MLC1: variants seen among roughly 807,000 people sequenced by gnomAD.
MLC1 encodes the protein membrane protein MLC1.
MLC1 carries 32 observed loss-of-function variants against 44.7 expected under a neutral mutation model. That is an observed-to-expected ratio of 0.72 (90% CI 0.54 to 0.96). The LOEUF (loss-of-function observed/expected upper bound fraction) is 0.96, where lower values mean the gene tolerates loss of function less well. Ranked by LOEUF, MLC1 falls within the 40% of genes least tolerant of loss-of-function variation. MLC1 has a pLI of 0.00. For missense variants in MLC1, 459 were observed against 492.2 expected (o/e 0.93, Z 0.64); for synonymous variants, 190 against 213.0 (o/e 0.89, Z 0.94).
At chr22:50,064,949 C>CAG (rs147496513) in intron 10 of MLC1, among the ~76,000 whole-genome samples, 18,541 of 152,104 alleles carry the variant, frequency 0.12, 1,261 homozygotes, top group South Asian at 0.22. Context: ...TTTTTTGCGA[C>CAG]AGTCTCCCTC....
intron 7 of MLC1, among the ~76,000 whole-genome samples, chr22:50,075,214 C>T (rs2061950644): frequency 1.3e-5 from 2 of 151,966 alleles, no homozygotes; most frequent in Non-Finnish European, 2.9e-5. Context: ...CAACCAGCAC[C>T]GCCAGACTCA....
chr22:50,073,682 G>A (rs1049103579), intron 8 of MLC1, among the ~76,000 whole-genome samples: 1 of 152,098 alleles, frequency 6.6e-6, no homozygotes, highest in African/African-American at 2.4e-5. Flanking sequence ...GTTGTAGTGA[G>A]GTGATATTGA....
intron 4 of MLC1, 86 bp downstream of exon 4, chr22:50,080,258 G>A: frequency 6.8e-7 from 1 of 1,473,512 alleles, no homozygotes. Context: ...CTGTGCGTGG[G>A]CACACACACA....
intron 11 of MLC1, among the ~76,000 whole-genome samples, chr22:50,062,597 C>G (rs898533226): frequency 6.6e-6 from 1 of 152,248 alleles, no homozygotes; most frequent in Non-Finnish European, 1.5e-5. Flanking sequence ...AGAGCGTCCT[C>G]CGGGACTTAG....
At position 50,077,481 on chromosome 22, in the gene MLC1, G is replaced by A; in HGVS notation, c.445C>T (p.Leu149=). ...GCCATGAGCAGCTCCAGCAGGAGCA[G>A]CAGGATGAGGTTGAAGTTGATCTGC... The part of the protein sequence containing the change: ...AININFNLIL[L]LLLELLMAAT... Residue 149 remains leucine, a synonymous_variant, in exon 6 of 12, where the codon CTG becomes TTG. Transcript: ENST00000311597. The A allele has an allele frequency of 1.9e-6, 3 of 1,613,736 alleles. No homozygotes were observed. The highest frequency in any genetic ancestry group is 1.7e-6 in the Non-Finnish European group (2 of 1,180,004).
At chr22:50,067,727 A>C (rs1369173587) in intron 10 of MLC1, among the ~76,000 whole-genome samples, 3 of 67,548 alleles carry the variant, frequency 4.4e-5, no homozygotes, top group South Asian at 6.6e-4. Flanking sequence ...GACTCCATCC[A>C]TCCATCAGAC....
chr22:50,076,947 G>A (rs772790739), intron 6 of MLC1, 35 bp from the exon 7 acceptor site: 32 of 1,611,834 alleles, frequency 2.0e-5, no homozygotes, highest in East Asian at 1.8e-4. Context: ...CCGGGTGCAC[G>A]GGCACAGGGA....
rs553448264 is a variant in MLC1, at chr22:50,066,065, G to A, written c.895-1867C>T. The stretch of plus-strand genomic sequence containing the variant: ...AAAAAACAAGCAAGGGGCTGGGCAC[G>A]GTGGCAGAAGCCTCCTCATCCCAGC... On this transcript the variant is annotated intron_variant, in intron 10 of 11. Coordinates refer to ENST00000311597, the MANE Select transcript of MLC1 (RefSeq NM_015166.4). 6.7e-5 allele frequency among the ~76,000 whole-genome samples: 10 copies of A among 149,706 alleles called. No individual in the cohort carries two copies. In the South Asian group the frequency reaches 2.0e-3, roughly 30 times the overall value.
intron 5 of MLC1, among the ~76,000 whole-genome samples, chr22:50,077,754 T>C (rs1157220924): frequency 6.6e-6 from 1 of 152,222 alleles, no homozygotes. Context: ...AGGGCTGGAT[T>C]TGGCCTTGGG....
intron 10 of MLC1, among the ~76,000 whole-genome samples, chr22:50,065,750 C>T (rs1204132921): frequency 6.6e-6 from 1 of 152,222 alleles, no homozygotes; most frequent in Non-Finnish European, 1.5e-5. Context: ...GTGGACGGCC[C>T]CCATTGAGGA....
chr22:50,084,847 T>C lies in MLC1; in HGVS notation c.56A>G (p.Glu19Gly). 1 of 1,613,612 alleles carries C rather than the reference T, an allele frequency of 6.2e-7. No homozygotes were observed. The highest frequency in any genetic ancestry group is 8.5e-7 in the Non-Finnish European group (1 of 1,180,032). The part of the protein sequence containing the change: ...ELAYDRMPTL[E>G]RGRQDPASYA... ...GCTGGCGGGGTCTTGCCGGCCCCGC[T>C]CCAGCGTGGGCATCCGGTCATAGGC... Residue 19 changes from glutamate to glycine, a missense_variant, in exon 2 of 12, where the codon GAG becomes GGG. Physicochemically the swap from Glu to Gly is moderately conservative, Grantham distance 98. Transcript: ENST00000311597.
chr22:50,076,550 G>A (rs769198916), intron 7 of MLC1, among the ~76,000 whole-genome samples: 7 of 148,228 alleles, frequency 4.7e-5, no homozygotes, highest in South Asian at 2.1e-4. Flanking sequence ...GTGAGACTCC[G>A]TCTCAAAAAA....
intron 5 of MLC1, 124 bp from the exon 6 acceptor site, chr22:50,077,626 C>T (rs746811569): frequency 1.7e-5 from 13 of 758,616 alleles, no homozygotes; most frequent in Non-Finnish European, 2.8e-5. Context: ...CCCACTTTTC[C>T]CATCCAGGGC....
chr22:50,081,009 A>AAAAGAAAGAAAAAGAAAGAAAGAAAG (rs2062111093), intron 3 of MLC1, among the ~76,000 whole-genome samples: 1 of 96,740 alleles, frequency 1.0e-5, no homozygotes, highest in African/African-American at 4.5e-5. Context: ...TTGTCTCAAA[A>AAAAGAAAGAAAAAGAAAGAAAGAAAG]AAAGAAAGAA....
chr22:50,085,294 T>G, intron 1 of MLC1, 61 bp downstream of exon 1: 325 of 765,758 alleles, frequency 4.2e-4, no homozygotes, highest in Middle Eastern at 5.6e-4. Context: ...CTCCAATTGG[T>G]AGCTAAACGA....
rs2061562820 is a variant in MLC1 at position 50,061,722 on chromosome 22, G to A, written c.1060-65C>T. 3.5e-6 allele frequency: 5 copies of A among 1,430,774 alleles called. No homozygotes were observed. The Admixed American group carries it at 5.0e-5, about 14-fold the overall frequency. 88.6% of individuals were successfully genotyped at this position (1,430,774 alleles called of 1,614,324 possible). A position where few individuals can be genotyped will look rare whatever the true frequency, so the allele number is the denominator to read the frequency against. On this transcript the variant is annotated intron_variant, in intron 11 of 11. Transcript: ENST00000311597. ...ACCTGTGCGGCGGGAAGGTGGACAC[G>A]CCACTCGGCCACAGGCAGCGAGCAG...
At chr22:50,065,074 G>A (rs938397858) in intron 10 of MLC1, among the ~76,000 whole-genome samples, 5 of 152,062 alleles carry the variant, frequency 3.3e-5, no homozygotes, top group Non-Finnish European at 7.4e-5. Flanking sequence ...ACAGGTACCC[G>A]CCACCACGCC....
At chr22:50,075,203 G>A (rs1478338131) in intron 7 of MLC1, among the ~76,000 whole-genome samples, 2 of 151,870 alleles carry the variant, frequency 1.3e-5, no homozygotes, top group East Asian at 1.9e-4. Flanking sequence ...GGGAGGGGCC[G>A]CAACCAGCAC....
intron 10 of MLC1, among the ~76,000 whole-genome samples, chr22:50,067,957 A>C (rs1319102509): frequency 2.0e-5 from 3 of 147,676 alleles, no homozygotes; most frequent in Non-Finnish European, 4.5e-5. Flanking sequence ...ACTGGAAAAA[A>C]AAAAACAAAA....
Sources: gnomAD v4.1 joint callset for allele counts (sites outside exome capture counted in the v4.1 genomes callset) on GRCh38, gnomAD v4.1.1 for gene constraint, MANE v1.5 for transcripts, NCBI Gene and HGNC (gene_info 2026-07-23, HGNC 2026-07-21) for gene names.